The following CREB5 variants were observed in gnomAD, a reference collection of about 807,000 sequenced individuals.
CREB5 encodes the protein cAMP responsive element binding protein 5, also known as cyclic AMP-responsive element-binding protein 5.
A neutral mutation model predicts 57.1 loss-of-function variants in CREB5; 19 were observed. The ratio of observed to expected loss-of-function variants is 0.33; its 90% CI spans 0.23 to 0.49. CREB5 has a LOEUF of 0.49. Among genes scored for constraint, CREB5 ranks in the 20% least tolerant of loss-of-function variants. CREB5 has a pLI of 0.99. For synonymous variants in CREB5, 238 were observed against 238.3 expected, an observed-to-expected ratio of 1.00 and a Z score of 0.01; for missense variants, 579 against 671.6, an observed-to-expected ratio of 0.86 and a Z score of 1.52.
chr7:28,681,372 A>T (rs1392219694), intron 5 of CREB5, among the ~76,000 whole-genome samples: 4 of 152,120 alleles, frequency 2.6e-5, no homozygotes. Flanking sequence ...TACTATTATT[A>T]TCATTATCAT....
At chr7:28,318,426 A>G (rs1176843690) in intron 1 of CREB5, among the ~76,000 whole-genome samples, 1 of 152,276 alleles carries the variant, frequency 6.6e-6, no homozygotes, top group Non-Finnish European at 1.5e-5. Flanking sequence ...AAAAGTATAC[A>G]AAATTATTTT....
At chr7:28,490,490 AG>A (rs1791749368) in intron 2 of CREB5, among the ~76,000 whole-genome samples, 2 of 152,226 alleles carry the variant, frequency 1.3e-5, no homozygotes, top group Non-Finnish European at 2.9e-5. Flanking sequence ...GTTTCAAGGA[AG>A]GGGCTGTAAG....
chr7:28,739,513 A>G (rs1804217701), intron 7 of CREB5, among the ~76,000 whole-genome samples: 1 of 152,234 alleles, frequency 6.6e-6, no homozygotes, highest in Admixed American at 6.5e-5. Context: ...TTATTCAAGA[A>G]GCATTTATTA....
intron 1 of CREB5, among the ~76,000 whole-genome samples, chr7:28,391,290 G>A (rs1787210379): frequency 6.6e-6 from 1 of 152,156 alleles, no homozygotes; most frequent in Non-Finnish European, 1.5e-5. Flanking sequence ...GATCAAATAA[G>A]TTCAAATATC....
In CREB5 at chr7:28,564,393, A is replaced by C. The variant is rs939388326; in HGVS notation, c.292-5972A>C. 2.0e-5 allele frequency among the ~76,000 whole-genome samples: 3 copies of C among 152,274 alleles called. No individual in the cohort carries two copies. In the East Asian group the frequency reaches 5.8e-4, roughly 29 times the overall value. ...TTGTGGTCCATTCCCTTCATCCTTC[A>C]TTACCACACCCTGAAATTATAGTTA... On this transcript the variant is annotated intron_variant, in intron 4 of 10. Transcript: ENST00000357727.
At chr7:28,576,135 A>G (rs948987200) in intron 5 of CREB5, among the ~76,000 whole-genome samples, 2 of 152,130 alleles carry the variant, frequency 1.3e-5, no homozygotes, top group African/African-American at 4.8e-5. Context: ...GTGTCATCTC[A>G]GCTTCCCACC....
At chr7:28,746,876 C>T (rs1365228408) in intron 7 of CREB5, among the ~76,000 whole-genome samples, 4 of 152,084 alleles carry the variant, frequency 2.6e-5, no homozygotes, top group Non-Finnish European at 5.9e-5. Flanking sequence ...CCTGAGAAAA[C>T]GTTATTGGTT....
intron 5 of CREB5, among the ~76,000 whole-genome samples, chr7:28,583,852 A>G (rs1020570035): frequency 1.3e-5 from 2 of 151,752 alleles, no homozygotes; most frequent in Admixed American, 1.3e-4. Flanking sequence ...CTAATTTTGT[A>G]TTTTTAGTAG....
chr7:28,299,563 C>T (rs1021884746), intron 1 of CREB5: 1 of 152,136 alleles, frequency 6.6e-6, no homozygotes, highest in African/African-American at 2.4e-5. Flanking sequence ...TACTAGCTAC[C>T]ATATTGTACA....
intron 7 of CREB5, among the ~76,000 whole-genome samples, chr7:28,769,367 G>T (rs750010108): frequency 6.6e-6 from 1 of 152,132 alleles, no homozygotes; most frequent in African/African-American, 2.4e-5. Context: ...ACAAAGAAAT[G>T]AATGTTTGAT....
intron 7 of CREB5, among the ~76,000 whole-genome samples, chr7:28,758,687 G>A (rs1805476675): frequency 6.6e-6 from 1 of 152,186 alleles, no homozygotes; most frequent in Admixed American, 6.5e-5. Context: ...TTCAGGAAAC[G>A]TGTGGTTCTT....
intron 7 of CREB5, among the ~76,000 whole-genome samples, chr7:28,793,858 C>T (rs118191058): frequency 6.6e-6 from 1 of 152,232 alleles, no homozygotes; most frequent in African/African-American, 2.4e-5. Context: ...TAGAGTTGCT[C>T]TCTGTCCAGC....
chr7:28,658,141 T>C (rs1799409875), intron 5 of CREB5, among the ~76,000 whole-genome samples: 1 of 152,198 alleles, frequency 6.6e-6, no homozygotes, highest in African/African-American at 2.4e-5. Flanking sequence ...GGAGCACGGC[T>C]TGCACATCAG....
chr7:28,365,806 T>G (rs548328917), intron 1 of CREB5, among the ~76,000 whole-genome samples: 53 of 152,218 alleles, frequency 3.5e-4, no homozygotes, highest in Admixed American at 1.1e-3. Flanking sequence ...TTTTTTTTCT[T>G]TTGGCTTACT....
intron 1 of CREB5, among the ~76,000 whole-genome samples, chr7:28,338,731 T>A (rs1785875254): frequency 6.6e-6 from 1 of 152,178 alleles, no homozygotes; most frequent in Non-Finnish European, 1.5e-5. Context: ...CTTTACCTCC[T>A]CTTTAAGGCC....
At chr7:28,715,804 A>T (rs1562591828) in intron 5 of CREB5, among the ~76,000 whole-genome samples, 1 of 152,172 alleles carries the variant, frequency 6.6e-6, no homozygotes, top group Non-Finnish European at 1.5e-5. Context: ...ACATATAGGG[A>T]TCTCAAATAA....
chr7:28,633,406 A>G (rs1481211346), intron 5 of CREB5, among the ~76,000 whole-genome samples: 2 of 151,954 alleles, frequency 1.3e-5, no homozygotes, highest in African/African-American at 4.8e-5. Context: ...TGTGTAATGA[A>G]ATATAGAAAA....
chr7:28,747,573 G>A lies in CREB5; in HGVS notation c.702+23241G>A, dbSNP rs190031844. Among the ~76,000 whole-genome samples the A allele has an allele frequency of 2.7e-3, 412 of 152,296 alleles. 2 individuals are homozygous for A. Among genetic ancestry groups the A allele is most frequent in the African/African-American group, 9.6e-3 (399 of 41,566 alleles). On this transcript the variant is annotated intron_variant, in intron 7 of 10. Coordinates refer to ENST00000357727, the MANE Select transcript of CREB5 (RefSeq NM_182898.4). ...GTGAAGGGACTCACCTTTCTGCTCC[G>A]AAGCTGAGCAGAGAGTAGACACACT...
intron 5 of CREB5, among the ~76,000 whole-genome samples, chr7:28,661,405 T>C (rs556093685): frequency 6.6e-6 from 1 of 152,290 alleles, no homozygotes; most frequent in African/African-American, 2.4e-5. Flanking sequence ...AAATATTCTC[T>C]CTCTCATTTC....
Sources: gnomAD v4.1 joint callset for allele counts (sites outside exome capture counted in the v4.1 genomes callset) on GRCh38, gnomAD v4.1.1 for gene constraint, MANE v1.5 for transcripts, NCBI Gene and HGNC (gene_info 2026-07-23, HGNC 2026-07-21) for gene names.